MSH3: variants seen among roughly 807,000 people sequenced by gnomAD.
The protein encoded by MSH3 is DNA mismatch repair protein Msh3.
A neutral mutation model predicts 123.3 loss-of-function variants in MSH3; 106 were observed. The ratio of observed to expected loss-of-function variants is 0.86; its 90% confidence interval spans 0.73 to 1.01. MSH3 has a LOEUF of 1.01. Ranked by LOEUF, MSH3 falls within the 50% of genes least tolerant of loss-of-function variation. The pLI is 0.00. For missense variants in MSH3, 1,459 were observed against 1,347.6 expected, an observed-to-expected ratio of 1.08 and a Z score of -1.29; for synonymous variants, 515 against 481.4, an observed-to-expected ratio of 1.07 and a Z score of -0.91.
intron 23 of MSH3, among the ~76,000 whole-genome samples, chr5:80,874,865 A>G (rs918266284): frequency 1.9e-4 from 29 of 152,334 alleles, no homozygotes; most frequent in Admixed American, 3.9e-4. Context: ...TCTTGACAAG[A>G]TGAGAGAATT....
intron 21 of MSH3, among the ~76,000 whole-genome samples, chr5:80,856,452 CA>C (rs1473069206): frequency 6.8e-6 from 1 of 146,914 alleles, no homozygotes; most frequent in African/African-American, 2.5e-5. Context: ...ATCGCAAGGA[CA>C]AAAAACCAAA....
rs781007137 is a variant in MSH3, at chr5:80,654,880, TGCAGCGGCTGCAGCGGCCGCAGCGGCC to T, written c.160_186del (p.Ala54_Ala62del). 32 of 1,538,736 alleles carry T rather than the reference TGCAGCGGCTGCAGCGGCCGCAGCGGCC, an allele frequency of 2.1e-5. No individual in the cohort carries two copies. Among genetic ancestry groups the T allele is most frequent in the Non-Finnish European group, 2.6e-5 (30 of 1,135,090 alleles). ...CAGCCGACCAGGTGGACCCTGGCGC[TGCAGCGGCTGCAGCGGCCGCAGCGGCC>T]GCAGCGCCCCCAGCGCCCCCAGCTC... On this transcript the variant is annotated inframe_deletion, in exon 1 of 24. Transcript: ENST00000265081.
At chr5:80,748,286 T>G (rs1442981459) in intron 12 of MSH3, among the ~76,000 whole-genome samples, 1 of 152,204 alleles carries the variant, frequency 6.6e-6, no homozygotes, top group Non-Finnish European at 1.5e-5. Flanking sequence ...CATTCAAGTT[T>G]CAGAAGACTT....
At chr5:80,779,858 C>G (rs186832194) in intron 17 of MSH3, among the ~76,000 whole-genome samples, 1 of 151,914 alleles carries the variant, frequency 6.6e-6, no homozygotes, top group African/African-American at 2.4e-5. Context: ...GCCACTGTGC[C>G]GGCCAAAAAA....
chr5:80,763,868 T>C (rs1184557361), intron 13 of MSH3, among the ~76,000 whole-genome samples: 1 of 152,254 alleles, frequency 6.6e-6, no homozygotes, highest in East Asian at 1.9e-4. Context: ...GTGGCCGGTA[T>C]GCAGTGCAAG....
chr5:80,784,163 T>C (rs1441012771), intron 17 of MSH3, among the ~76,000 whole-genome samples: 1 of 127,234 alleles, frequency 7.9e-6, no homozygotes, highest in East Asian at 2.5e-4. Context: ...TGAGCTGAGA[T>C]CATGCCACTA....
In MSH3 at chr5:80,734,490, T is replaced by C. The variant is rs187771496; in HGVS notation, c.1568+5525T>C. Among the ~76,000 whole-genome samples, 205 of 152,374 alleles carry C rather than the reference T, an allele frequency of 1.3e-3. 1 individual carries two copies. Among genetic ancestry groups the C allele is most frequent in the Non-Finnish European group, 2.6e-3 (175 of 68,042 alleles). ...AAGTTGATAGACACATACACACTTA[T>C]CTTTTAAATGTCAGTAGTGCTGAGA... On this transcript the variant is annotated intron_variant, in intron 10 of 23. Coordinates refer to ENST00000265081, the MANE Select transcript of MSH3 (RefSeq NM_002439.5).
Position 80,670,268 on chromosome 5 carries a change from G to C in MSH3, c.751G>C (p.Glu251Gln), listed in dbSNP as rs1362962336. The part of the protein sequence containing the change: ...QQHKDAVLCV[E>Q]CGYKYRFFGE... ...GCACAAAGATGCAGTTTTGTGTGTG[G>C]AATGTGGATATAAGTATAGATTCTT... is the stretch of plus-strand genomic sequence containing the variant. Residue 251 changes from glutamate to glutamine, a missense_variant, in exon 4 of 24, where the codon GAA becomes CAA. Glu to Gln is a conservative substitution (Grantham distance 29, BLOSUM62 2). Transcript: ENST00000265081. 6.2e-7 allele frequency: 1 copy of C among 1,614,128 alleles called. No homozygotes were observed. The highest frequency in any genetic ancestry group is 1.7e-5 in the Admixed American group (1 of 60,026).
intron 6 of MSH3, among the ~76,000 whole-genome samples, chr5:80,674,746 A>T (rs538989821): frequency 6.6e-6 from 1 of 152,016 alleles, no homozygotes; most frequent in South Asian, 2.1e-4. Context: ...CTTTATTTTT[A>T]TTTTTTTATT....
intron 18 of MSH3, among the ~76,000 whole-genome samples, chr5:80,789,516 G>A (rs765011537): frequency 4.6e-5 from 7 of 152,070 alleles, no homozygotes; most frequent in Admixed American, 3.3e-4. Flanking sequence ...GATTACAGGC[G>A]TGTGCCACCA....
At position 80,670,423 on chromosome 5, in the gene MSH3, T is replaced by G. The variant is rs141075769; in HGVS notation, c.792+114T>G. On this transcript the variant is annotated intron_variant, in intron 4 of 23. Transcript: ENST00000265081. ...ATAAAAGCTGATTTGATCAATCACC[T>G]TTTAAAAAATACTGTTATGTAAAGT... The G allele has an allele frequency of 1.5e-5, 16 of 1,077,414 alleles. No individual in the cohort carries two copies. In the Admixed American group the frequency reaches 3.1e-4, roughly 21 times the overall value. The allele number at this position is 1,077,414 out of a possible 1,614,324, so 66.7% of individuals were successfully genotyped here.
At chr5:80,710,401 C>T (rs1357012514) in intron 8 of MSH3, among the ~76,000 whole-genome samples, 1 of 152,144 alleles carries the variant, frequency 6.6e-6, no homozygotes, top group African/African-American at 2.4e-5. Context: ...TATTTTATAG[C>T]ACAATTAAAA....
chr5:80,728,449 T>C (rs1743342921), intron 9 of MSH3, among the ~76,000 whole-genome samples: 1 of 152,210 alleles, frequency 6.6e-6, no homozygotes, highest in South Asian at 2.1e-4. Flanking sequence ...ACTACGCTGT[T>C]AATGTTTATT....
chr5:80,693,663 A>G (rs965542238), intron 8 of MSH3, among the ~76,000 whole-genome samples: 2 of 151,412 alleles, frequency 1.3e-5, no homozygotes, highest in Admixed American at 6.6e-5. Context: ...ACATATATAT[A>G]TATGTTTTTT....
At chr5:80,825,003 GACT>G (rs1480331870) in intron 20 of MSH3, among the ~76,000 whole-genome samples, 1 of 151,982 alleles carries the variant, frequency 6.6e-6, no homozygotes, top group Non-Finnish European at 1.5e-5. Context: ...AATCTACATG[GACT>G]ACATTAAATT....
At chr5:80,829,945 T>A (rs959070647) in intron 20 of MSH3, among the ~76,000 whole-genome samples, 1 of 152,184 alleles carries the variant, frequency 6.6e-6, no homozygotes, top group Non-Finnish European at 1.5e-5. Flanking sequence ...CCCTGTCTTT[T>A]TGTGGGAGTT....
intron 13 of MSH3, among the ~76,000 whole-genome samples, chr5:80,766,621 G>T (rs988971599): frequency 2.0e-5 from 3 of 152,050 alleles, no homozygotes; most frequent in African/African-American, 7.2e-5. Flanking sequence ...GGGATTACAG[G>T]CGTGAGTCAC....
intron 19 of MSH3, among the ~76,000 whole-genome samples, chr5:80,804,137 G>C (rs901185813): frequency 6.6e-6 from 1 of 152,186 alleles, no homozygotes; most frequent in East Asian, 1.9e-4. Flanking sequence ...TCTACAGATT[G>C]CTTTAGTTAC....
intron 19 of MSH3, among the ~76,000 whole-genome samples, chr5:80,812,099 A>G (rs1189729471): frequency 2.6e-5 from 4 of 152,208 alleles, no homozygotes; most frequent in South Asian, 2.1e-4. Context: ...ATTAGGTGCA[A>G]TATAAAGCCA....
Sources: allele counts gnomAD v4.1 joint callset (sites outside exome capture counted in the v4.1 genomes callset), GRCh38; gene constraint gnomAD v4.1.1; transcripts MANE v1.5; gene names NCBI Gene and HGNC (gene_info 2026-07-23, HGNC 2026-07-21).